Variants in ZFPM2 observed in about 807,000 individuals in gnomAD.
The protein encoded by ZFPM2 is zinc finger protein ZFPM2.
In ZFPM2, 20 loss-of-function variants were observed where a neutral mutation model predicts 98.6. The observed-to-expected ratio is 0.20, with a 90% CI of 0.14 to 0.29. The LOEUF (loss-of-function observed/expected upper bound fraction) is 0.29. Ranked by LOEUF, ZFPM2 falls within the 10% of genes least tolerant of loss-of-function variation. The pLI, the probability that ZFPM2 is intolerant of heterozygous loss-of-function variation, is 1.00. For synonymous variants in ZFPM2, 518 were observed against 502.7 expected, an observed-to-expected ratio of 1.03 and a Z score of -0.41; for missense variants, 1,310 against 1,388.6, an observed-to-expected ratio of 0.94 and a Z score of 0.90.
At chr8:105,606,346 A>G (rs1449233223) in intron 4 of ZFPM2, among the ~76,000 whole-genome samples, 3 of 151,918 alleles carry the variant, frequency 2.0e-5, no homozygotes, top group African/African-American at 4.8e-5. Flanking sequence ...GTTCAGAAAT[A>G]TATGTATTTC....
intron 1 of ZFPM2, among the ~76,000 whole-genome samples, chr8:105,369,293 A>G (rs1398692175): frequency 6.6e-6 from 1 of 152,148 alleles, no homozygotes; most frequent in Non-Finnish European, 1.5e-5. Context: ...TGTGCTAAAT[A>G]TTATTATGTT....
intron 5 of ZFPM2, among the ~76,000 whole-genome samples, chr8:105,687,275 A>G (rs1343252474): frequency 6.6e-6 from 1 of 152,156 alleles, no homozygotes; most frequent in Non-Finnish European, 1.5e-5. Flanking sequence ...TTGTTGAGTC[A>G]TTATACATAT....
intron 3 of ZFPM2, among the ~76,000 whole-genome samples, chr8:105,471,794 TA>T: frequency 6.6e-6 from 1 of 152,234 alleles, no homozygotes; most frequent in East Asian, 1.9e-4. Context: ...TATTAGAGCA[TA>T]AGGTCTGCTT....
chr8:105,464,686 T>A (rs1812764981), intron 3 of ZFPM2, among the ~76,000 whole-genome samples: 1 of 151,694 alleles, frequency 6.6e-6, no homozygotes, highest in African/African-American at 2.4e-5. Flanking sequence ...TAAATAATTA[T>A]AGTTCCAGCC....
At chr8:105,789,036 GTTTCAT>G in intron 6 of ZFPM2, 112 bp downstream of exon 6, 1 of 814,440 alleles carries the variant, frequency 1.2e-6, no homozygotes, top group Non-Finnish European at 1.8e-6. Context: ...CAGTGTTGTG[GTTTCAT>G]TTTATCTTTT....
chr8:105,539,984 T>C (rs566466735), intron 3 of ZFPM2, among the ~76,000 whole-genome samples: 2 of 152,302 alleles, frequency 1.3e-5, no homozygotes, highest in South Asian at 4.1e-4. Context: ...GTGTTATTTA[T>C]TAAAGTCAGC....
At chr8:105,519,261 G>A (rs1814001186) in intron 3 of ZFPM2, among the ~76,000 whole-genome samples, 1 of 152,084 alleles carries the variant, frequency 6.6e-6, no homozygotes, top group South Asian at 2.1e-4. Flanking sequence ...TAATTGGTGG[G>A]TGAGAAGAAA....
At chr8:105,690,239 TAAC>T (rs1166738253) in intron 5 of ZFPM2, among the ~76,000 whole-genome samples, 1 of 152,208 alleles carries the variant, frequency 6.6e-6, no homozygotes, top group Non-Finnish European at 1.5e-5. Context: ...ATAAGACTAA[TAAC>T]AAAATAATTC....
chr8:105,799,062 C>A, intron 7 of ZFPM2, 114 bp downstream of exon 7: 1 of 962,618 alleles, frequency 1.0e-6, no homozygotes, highest in Non-Finnish European at 1.5e-6. Flanking sequence ...TCTATAACAT[C>A]AAAATCAAAC....
chr8:105,634,306 A>G lies in ZFPM2; in HGVS notation c.481A>G (p.Thr161Ala). 6.2e-7 allele frequency: 1 copy of G among 1,613,208 alleles called. No homozygotes were observed. The highest frequency in any genetic ancestry group is 8.5e-7 in the Non-Finnish European group (1 of 1,179,530). ...TAGPKWLLDV[T>A]WQGVEDNKNN... ...TGGTCCCAAGTGGTTGCTGGATGTG[A>G]CTTGGCAAGGAGTGGAAGACAACAA... The change falls in exon 5 of 8, where the codon ACT becomes GCT. Residue 161 changes from threonine to alanine, a missense_variant. Physicochemically the swap from Thr to Ala is moderately conservative, Grantham distance 58. Coordinates refer to ENST00000407775, the MANE Select transcript of ZFPM2 (RefSeq NM_012082.4).
intron 6 of ZFPM2, among the ~76,000 whole-genome samples, chr8:105,796,201 C>CTGGAAA (rs1197810903): frequency 6.6e-6 from 1 of 151,544 alleles, no homozygotes; most frequent in African/African-American, 2.4e-5. Context: ...TAGTGAGGAA[C>CTGGAAA]TGGAAATAAC....
intron 5 of ZFPM2, among the ~76,000 whole-genome samples, chr8:105,704,238 A>T (rs1401755572): frequency 3.9e-5 from 6 of 152,194 alleles, no homozygotes. Flanking sequence ...CAGAAATAAA[A>T]CTACATATTT....
chr8:105,593,023 A>T (rs1815884159), intron 4 of ZFPM2, among the ~76,000 whole-genome samples: 1 of 152,180 alleles, frequency 6.6e-6, no homozygotes, highest in Admixed American at 6.5e-5. Flanking sequence ...TGCTAGCTAG[A>T]AATACTGAAC....
At chr8:105,529,142 G>T (rs1814239681) in intron 3 of ZFPM2, among the ~76,000 whole-genome samples, 2 of 152,100 alleles carry the variant, frequency 1.3e-5, no homozygotes, top group East Asian at 3.9e-4. Flanking sequence ...CTTGTAGATG[G>T]CCATGTTCTT....
chr8:105,322,275 T>C (rs1363847107), intron 1 of ZFPM2, among the ~76,000 whole-genome samples: 1 of 152,066 alleles, frequency 6.6e-6, no homozygotes, highest in Non-Finnish European at 1.5e-5. Context: ...AAATGATGAT[T>C]TTTTTCTTTT....
rs76810423 is a variant in ZFPM2 at position 105,361,834 on chromosome 8, C to T, written c.40+42853C>T. Among the ~76,000 whole-genome samples the T allele has an allele frequency of 2.8e-3, 416 of 151,132 alleles. 8 individuals carry two copies. In the East Asian group the frequency reaches 0.064, roughly 23 times the overall value. ...TAATATTACCATATTTTTACTGTACCTTTTTTATGTTTAGGTATGTTTAGA... is the reference window on the plus strand; with the variant it reads ...TAATATTACCATATTTTTACTGTACTTTTTTTATGTTTAGGTATGTTTAGA... On this transcript the variant is annotated intron_variant, in intron 1 of 7. Coordinates refer to ENST00000407775, the MANE Select transcript of ZFPM2 (RefSeq NM_012082.4).
At chr8:105,731,541 C>G (rs1295546256) in intron 5 of ZFPM2, among the ~76,000 whole-genome samples, 1 of 151,462 alleles carries the variant, frequency 6.6e-6, no homozygotes, top group African/African-American at 2.4e-5. Flanking sequence ...TATTTGTATT[C>G]CACATATAAT....
At chr8:105,793,248 G>A (rs1392735758) in intron 6 of ZFPM2, among the ~76,000 whole-genome samples, 1 of 152,126 alleles carries the variant, frequency 6.6e-6, no homozygotes, top group East Asian at 1.9e-4. Context: ...CATGTTTAGT[G>A]CTTCCTTCAG....
chr8:105,542,723 T>C (rs540723876), intron 3 of ZFPM2, among the ~76,000 whole-genome samples: 1 of 152,186 alleles, frequency 6.6e-6, no homozygotes, highest in Admixed American at 6.6e-5. Flanking sequence ...ATTATTGAGA[T>C]AATTATGAAT....
Sources: allele counts gnomAD v4.1 joint callset (sites outside exome capture counted in the v4.1 genomes callset), GRCh38; gene constraint gnomAD v4.1.1; transcripts MANE v1.5; gene names NCBI Gene and HGNC (gene_info 2026-07-23, HGNC 2026-07-21).